Variants in PCDH7 observed in about 807,000 individuals in gnomAD.
The protein encoded by PCDH7 is protocadherin-7.
PCDH7 carries 17 observed loss-of-function variants against 58.9 expected under a neutral mutation model. The ratio of observed to expected loss-of-function variants is 0.29; its 90% CI spans 0.20 to 0.43. The LOEUF (loss-of-function observed/expected upper bound fraction) is 0.43, where lower values mean the gene tolerates loss of function less well. Among genes scored for constraint, PCDH7 ranks in the 20% least tolerant of loss-of-function variants. PCDH7 has a pLI of 1.00. For missense variants in PCDH7, 1,274 were observed against 1,441.0 expected, an observed-to-expected ratio of 0.88 and a Z score of 1.88; for synonymous variants, 664 against 616.4, an observed-to-expected ratio of 1.08 and a Z score of -1.14.
rs190768952 is a variant in PCDH7 at position 30,849,014 on chromosome 4, A to G, written c.71-71139A>G. On this transcript the variant is annotated intron_variant, in intron 1 of 3. Coordinates refer to the PCDH7 transcript ENST00000509759. The stretch of plus-strand genomic sequence containing the variant: ...TAGATTTAAACATGAAGATGCTTCA[A>G]TATTTTTTCCTTGTTAATAACACTT... Among the ~76,000 whole-genome samples, 328 of 152,288 alleles carry G rather than the reference A, an allele frequency of 2.2e-3. 3 individuals are homozygous for G. Among genetic ancestry groups the G allele is most frequent in the Admixed American group, 3.7e-3 (56 of 15,276 alleles).
rs1459427647 is a variant in PCDH7, at chr4:30,721,111, G to A, written c.-312G>A. 8.5e-6 allele frequency: 3 copies of A among 351,388 alleles called. No homozygotes were observed. Among genetic ancestry groups the A allele is most frequent in the Non-Finnish European group, 1.5e-5 (3 of 195,216 alleles). The allele number at this position is 351,388 out of a possible 1,614,324, so 21.8% of individuals were successfully genotyped here. ...GAGCGCCGAACCCGCGGCGCGCAGT[G>A]TCCCGTGAACTGTGAGTACTGCGAC... On this transcript the variant is annotated 5_prime_UTR_variant, in exon 1 of 2. Coordinates refer to ENST00000361762, the Ensembl canonical transcript of PCDH7. This position sits in a 1 kb window ranked among gnomAD's most constrained non-coding sequence, Gnocchi z 6.7.
At chr4:31,136,153 T>A (rs1719571278) in intron 3 of PCDH7, among the ~76,000 whole-genome samples, 1 of 152,210 alleles carries the variant, frequency 6.6e-6, no homozygotes. Context: ...ATCCTTTTTA[T>A]TCCTGGAAGA....
chr4:30,990,754 G>A (rs1751401770), intron 3 of PCDH7, among the ~76,000 whole-genome samples: 1 of 152,018 alleles, frequency 6.6e-6, no homozygotes, highest in Admixed American at 6.5e-5. Flanking sequence ...ATTTTCAAGA[G>A]CTAAAAGTGG....
At chr4:30,911,327 C>A (rs1051510851) in intron 1 of PCDH7, among the ~76,000 whole-genome samples, 1 of 147,582 alleles carries the variant, frequency 6.8e-6, no homozygotes, top group African/African-American at 2.5e-5. Flanking sequence ...ATCACCCCCC[C>A]CCCCAAAAAA....
intron 1 of PCDH7, among the ~76,000 whole-genome samples, chr4:30,772,663 G>A (rs1721566999): frequency 6.6e-6 from 1 of 152,152 alleles, no homozygotes; most frequent in Admixed American, 6.5e-5. Flanking sequence ...CTCTAGCAAG[G>A]CAGGGATTTT....
At chr4:30,899,925 C>CAAG (rs1739992014) in intron 1 of PCDH7, among the ~76,000 whole-genome samples, 1 of 151,978 alleles carries the variant, frequency 6.6e-6, no homozygotes, top group Non-Finnish European at 1.5e-5. Flanking sequence ...TTGATAATAA[C>CAAG]AATAATAATA....
intron 1 of PCDH7, among the ~76,000 whole-genome samples, chr4:30,831,209 G>A (rs779601554): frequency 2.0e-4 from 30 of 151,916 alleles, no homozygotes; most frequent in Non-Finnish European, 4.0e-4. Context: ...TCCCTCATAC[G>A]CTTCGTCTAT....
At chr4:30,875,700 T>C (rs891462178) in intron 1 of PCDH7, among the ~76,000 whole-genome samples, 1 of 152,080 alleles carries the variant, frequency 6.6e-6, no homozygotes, top group African/African-American at 2.4e-5. Context: ...GTGGTAGTGA[T>C]TTAAGGTCAT....
chr4:31,025,619 A>T (rs1218117719), intron 3 of PCDH7, among the ~76,000 whole-genome samples: 1 of 152,216 alleles, frequency 6.6e-6, no homozygotes, highest in Non-Finnish European at 1.5e-5. Flanking sequence ...CTTGCCTATT[A>T]TTTACTAGAA....
chr4:30,990,890 T>C (rs1751413593), intron 3 of PCDH7, among the ~76,000 whole-genome samples: 2 of 152,288 alleles, frequency 1.3e-5, no homozygotes, highest in African/African-American at 2.4e-5. Context: ...TTAAGAATAA[T>C]AATCCATCCT....
At chr4:31,049,294 A>T (rs527602197) in intron 3 of PCDH7, among the ~76,000 whole-genome samples, 1 of 152,184 alleles carries the variant, frequency 6.6e-6, no homozygotes, top group Non-Finnish European at 1.5e-5. Context: ...GCAGGCAAGC[A>T]AAAGTGAGAA....
At chr4:30,746,530 A>G (rs753510037) in intron 1 of PCDH7, among the ~76,000 whole-genome samples, 8 of 151,708 alleles carry the variant, frequency 5.3e-5, no homozygotes, top group Non-Finnish European at 1.0e-4. Flanking sequence ...CAACTTTTCC[A>G]TTTTCTTGAG....
At chr4:30,758,683 G>A (rs1719630282) in intron 1 of PCDH7, among the ~76,000 whole-genome samples, 1 of 152,154 alleles carries the variant, frequency 6.6e-6, no homozygotes, top group African/African-American at 2.4e-5. Flanking sequence ...TGGACAGGAA[G>A]GGAGAAAAGC....
chr4:31,024,928 A>G (rs1754308266), intron 3 of PCDH7, among the ~76,000 whole-genome samples: 1 of 152,110 alleles, frequency 6.6e-6, no homozygotes, highest in African/African-American at 2.4e-5. Flanking sequence ...TTTTTAGTAG[A>G]GACAGGGTTT....
At chr4:30,884,853 G>C (rs553312957) in intron 1 of PCDH7, 1 of 152,202 alleles carries the variant, frequency 6.6e-6, no homozygotes, top group African/African-American at 2.4e-5. Flanking sequence ...AATAGTACTA[G>C]AGTTATTAAG....
chr4:30,721,239 C>G lies in PCDH7; in HGVS notation c.-184C>G. On this transcript the variant is annotated 5_prime_UTR_variant, in exon 1 of 2. Transcript: ENST00000361762. The surrounding 1 kb of genome is among the most constrained non-coding windows in gnomAD (Gnocchi z 6.7). Reference sequence around the variant, plus strand: ...GAAAAAAAGAAGCATCTATCGCTGCCCTCCCACCCCCATTCCCGGCCAACT... The same window carrying G: ...GAAAAAAAGAAGCATCTATCGCTGCGCTCCCACCCCCATTCCCGGCCAACT... 3.6e-6 allele frequency: 2 copies of G among 557,766 alleles called. No individual in the cohort carries two copies. The highest frequency in any genetic ancestry group is 6.2e-6 in the Non-Finnish European group (2 of 321,016). The allele number at this position is 557,766 out of a possible 1,614,324, so 34.6% of individuals were successfully genotyped here.
At chr4:30,815,504 T>C (rs1291704438) in intron 1 of PCDH7, among the ~76,000 whole-genome samples, 1 of 152,156 alleles carries the variant, frequency 6.6e-6, no homozygotes, top group Non-Finnish European at 1.5e-5. Flanking sequence ...GGGTTTTCAT[T>C]TGTATTTCTT....
chr4:30,799,238 G>T (rs1345863599), intron 1 of PCDH7, among the ~76,000 whole-genome samples: 3 of 152,136 alleles, frequency 2.0e-5, no homozygotes, highest in Admixed American at 2.0e-4. Flanking sequence ...CAATCTGTTA[G>T]AGCTGAAAGG....
chr4:31,128,749 G>C (rs775766379), intron 3 of PCDH7, among the ~76,000 whole-genome samples: 8 of 152,104 alleles, frequency 5.3e-5, no homozygotes, highest in Non-Finnish European at 1.2e-4. Flanking sequence ...ACAGCACCCT[G>C]CTCCCTAGGC....
Sources: gnomAD v4.1 joint callset for allele counts (sites outside exome capture counted in the v4.1 genomes callset) on GRCh38, gnomAD v4.1.1 for gene constraint, Gnocchi (gnomAD v3.1) non-coding constraint, MANE v1.5 for transcripts, NCBI Gene and HGNC (gene_info 2026-07-23, HGNC 2026-07-21) for gene names.